Variants in STOML3 observed in about 807,000 individuals in gnomAD.
The protein encoded by STOML3 is stomatin-like protein 3.
A neutral mutation model predicts 29.5 loss-of-function variants in STOML3; 31 were observed. That is an observed-to-expected ratio of 1.05 (90% CI 0.79 to 1.42). The LOEUF (loss-of-function observed/expected upper bound fraction) is 1.42. Among genes scored for constraint, STOML3 ranks in the 40% most tolerant of loss-of-function variants. STOML3 has a pLI of 0.00. For synonymous variants in STOML3, 122 were observed against 139.8 expected (o/e 0.87, Z 0.90); for missense variants, 380 against 363.0 (o/e 1.05, Z -0.38).
intron 1 of STOML3, among the ~76,000 whole-genome samples, chr13:38,983,486 A>C (rs1881336612): frequency 6.6e-6 from 1 of 152,200 alleles, no homozygotes; most frequent in African/African-American, 2.4e-5. Context: ...TGGTCCATCT[A>C]GATAATGGTT....
intron 1 of STOML3, among the ~76,000 whole-genome samples, chr13:38,982,091 CA>C (rs1333034307): frequency 1.3e-5 from 2 of 151,946 alleles, no homozygotes; most frequent in African/African-American, 2.4e-5. Context: ...GAAAAAAAGA[CA>C]AAACTACGGC....
chr13:38,979,985 C>T, intron 1 of STOML3: 2 of 1,502,896 alleles, frequency 1.3e-6, no homozygotes, highest in Non-Finnish European at 1.8e-6. Context: ...TGGACATTTC[C>T]AAAGTAGACA....
At chr13:38,986,505 C>G (rs1868561973) in intron 1 of STOML3, among the ~76,000 whole-genome samples, 1 of 152,002 alleles carries the variant, frequency 6.6e-6, no homozygotes, top group Non-Finnish European at 1.5e-5. Context: ...GAGTGTTAAC[C>G]ATTCTATCTC....
At chr13:38,987,174 C>T (rs1051315239) in intron 1 of STOML3, among the ~76,000 whole-genome samples, 2 of 152,058 alleles carry the variant, frequency 1.3e-5, no homozygotes, top group Non-Finnish European at 2.9e-5. Flanking sequence ...TTCTAATCTA[C>T]CCTTGTGAGG....
intron 5 of STOML3, among the ~76,000 whole-genome samples, chr13:38,969,729 G>A (rs569194701): frequency 2.6e-4 from 40 of 152,196 alleles, no homozygotes; most frequent in Non-Finnish European, 4.9e-4. Context: ...AATGTTATTA[G>A]TGATATTGGT....
At chr13:38,973,451 A>G (rs1203803428) in intron 3 of STOML3, among the ~76,000 whole-genome samples, 1 of 152,206 alleles carries the variant, frequency 6.6e-6, no homozygotes, top group African/African-American at 2.4e-5. Context: ...CAAGATGCTC[A>G]TAGATGCAGT....
At chr13:38,978,118 T>C (rs1041610749) in intron 1 of STOML3, among the ~76,000 whole-genome samples, 5 of 151,684 alleles carry the variant, frequency 3.3e-5, no homozygotes, top group African/African-American at 1.2e-4. Flanking sequence ...TAGAATTCTT[T>C]ATAGTCACCA....
chr13:38,975,177 C>T (rs1025905055), intron 3 of STOML3, among the ~76,000 whole-genome samples: 1 of 151,594 alleles, frequency 6.6e-6, no homozygotes, highest in Admixed American at 6.6e-5. Flanking sequence ...AAAAATTAGC[C>T]GCTTATGATA....
intron 1 of STOML3, among the ~76,000 whole-genome samples, chr13:38,983,805 C>T (rs1400252073): frequency 1.3e-5 from 2 of 152,156 alleles, no homozygotes; most frequent in African/African-American, 4.8e-5. Context: ...ATGAAGTTTA[C>T]AACACATTAT....
chr13:38,970,265 T>A lies in STOML3; in HGVS notation c.436A>T (p.Thr146Ser). 1 of 1,614,174 alleles carries A rather than the reference T, an allele frequency of 6.2e-7. No homozygotes were observed. ...GTCCCTAAGACATTTCTCAGAGTGGTTTGAGCCAGCAGAAATGTTGCTTGA... is the reference window on the plus strand; with the variant it reads ...GTCCCTAAGACATTTCTCAGAGTGGATTGAGCCAGCAGAAATGTTGCTTGA... ...VHQATFLLAQTTLRNVLGTQT... is the reference protein window; with the variant it reads ...VHQATFLLAQSTLRNVLGTQT... The change falls in exon 5 of 7, where the codon ACC becomes TCC. Residue 146 changes from threonine (T) to serine (S), a missense_variant. Thr to Ser is a moderately conservative substitution (Grantham distance 58, BLOSUM62 1). Coordinates refer to ENST00000379631, the MANE Select transcript of STOML3 (RefSeq NM_145286.3).
At chr13:38,987,038 G>A (rs185049215) in intron 1 of STOML3, among the ~76,000 whole-genome samples, 6 of 152,238 alleles carry the variant, frequency 3.9e-5, no homozygotes, top group Admixed American at 1.3e-4. Flanking sequence ...GGGGGCAGAA[G>A]AGAATGTCAA....
At chr13:38,972,055 T>A (rs555888810) in intron 4 of STOML3, among the ~76,000 whole-genome samples, 1 of 152,164 alleles carries the variant, frequency 6.6e-6, no homozygotes, top group Non-Finnish European at 1.5e-5. Flanking sequence ...TAATTTAAAG[T>A]CAGAAGCAAA....
At position 38,990,781 on chromosome 13, in the gene STOML3, A is replaced by G; in HGVS notation, c.-60T>C. 6.6e-7 allele frequency: 1 copy of G among 1,526,638 alleles called. No homozygotes were observed. The highest frequency in any genetic ancestry group is 9.1e-7 in the Non-Finnish European group (1 of 1,102,804). The allele number at this position is 1,526,638 out of a possible 1,614,324, so 94.6% of individuals were successfully genotyped here. On this transcript the variant is annotated 5_prime_UTR_variant, in exon 1 of 7. Transcript: ENST00000379631. Reference sequence around the variant, plus strand: ...TTCATGGGTTTGGAGCTAAGTGTGAAGAACAGGCAGCAACTCAGATGTGCT... The same window carrying G: ...TTCATGGGTTTGGAGCTAAGTGTGAGGAACAGGCAGCAACTCAGATGTGCT...
intron 1 of STOML3, among the ~76,000 whole-genome samples, chr13:38,990,127 C>A (rs974700651): frequency 3.3e-5 from 5 of 152,142 alleles, no homozygotes; most frequent in African/African-American, 1.2e-4. Context: ...GTAGTTGGTA[C>A]TTATAAGCTA....
intron 1 of STOML3, among the ~76,000 whole-genome samples, chr13:38,984,747 G>T (rs894320198): frequency 2.9e-4 from 44 of 152,150 alleles, no homozygotes; most frequent in African/African-American, 1.1e-3. Context: ...TATCCTCATT[G>T]TTAAGCAGTA....
At chr13:38,976,638 G>C in intron 2 of STOML3, 26 bp from the exon 3 acceptor site, 1 of 1,614,090 alleles carries the variant, frequency 6.2e-7, no homozygotes, top group Non-Finnish European at 8.5e-7. Context: ...CGAACGTTTA[G>C]TCCTAATGGT....
intron 1 of STOML3, among the ~76,000 whole-genome samples, chr13:38,978,281 G>A (rs1881161106): frequency 1.3e-5 from 2 of 152,036 alleles, no homozygotes; most frequent in Non-Finnish European, 1.5e-5. Flanking sequence ...AGTCTCCTGA[G>A]TACCTGGGAT....
intron 3 of STOML3, 97 bp downstream of exon 3, chr13:38,976,443 G>T: frequency 2.2e-6 from 3 of 1,390,028 alleles, no homozygotes; most frequent in South Asian, 1.3e-5. Flanking sequence ...ATTTTTCTTT[G>T]ACTCTCAATA....
chr13:38,966,042 G>A lies in STOML3; in HGVS notation c.*783C>T, dbSNP rs528102209. The A allele has an allele frequency of 6.6e-6, 1 of 152,192 alleles. No individual in the cohort carries two copies. The highest frequency in any genetic ancestry group is 1.5e-5 in the Non-Finnish European group (1 of 68,048). The allele number at this position is 152,192 out of a possible 1,614,324, so 9.4% of individuals were successfully genotyped here. A position where few individuals can be genotyped will look rare whatever the true frequency, so the allele number is the denominator to read the frequency against. The stretch of plus-strand genomic sequence containing the variant: ...CATTCTCGATTACCTGTGGCTCCTG[G>A]GACTAAGAACAGAGTGAAAACATGA... On this transcript the variant is annotated 3_prime_UTR_variant, in exon 7 of 7. Coordinates refer to ENST00000379631, the MANE Select transcript of STOML3 (RefSeq NM_145286.3).
Sources: allele counts gnomAD v4.1 joint callset (sites outside exome capture counted in the v4.1 genomes callset), GRCh38; gene constraint gnomAD v4.1.1; transcripts MANE v1.5; gene names NCBI Gene and HGNC (gene_info 2026-07-23, HGNC 2026-07-21).